The following DTD1 variants were observed in gnomAD, a reference collection of about 807,000 sequenced individuals.
DTD1 encodes the protein D-tyrosyl-tRNA deacylase 1 homolog.
A neutral mutation model predicts 25.6 loss-of-function variants in DTD1; 13 were observed. The observed-to-expected ratio is 0.51, with a 90% confidence interval of 0.33 to 0.81. The LOEUF (loss-of-function observed/expected upper bound fraction) is 0.81. Among genes scored for constraint, DTD1 ranks in the 30% least tolerant of loss-of-function variants. DTD1 has a pLI of 0.02. For synonymous variants in DTD1, 110 were observed against 103.6 expected (o/e 1.06, Z -0.37); for missense variants, 193 against 266.4 (o/e 0.72, Z 1.92).
intron 4 of DTD1, among the ~76,000 whole-genome samples, chr20:18,667,883 C>T (rs555171362): frequency 3.9e-5 from 6 of 152,270 alleles, no homozygotes; most frequent in South Asian, 4.1e-4. Context: ...AGAAGGCCCT[C>T]GTCAGATGCA....
chr20:18,744,188 G>T lies in DTD1; in HGVS notation c.566G>T (p.Arg189Leu). Residue 189 changes from arginine (R) to leucine (L), a missense_variant, in exon 5 of 6, where the codon CGA becomes CTA. Coordinates refer to ENST00000377452, the MANE Select transcript of DTD1 (RefSeq NM_080820.6). ...TCAAGCAAGGAAAGAAACACTCCCC[G>T]AAAAGAAGACCGCAGTGCCAGCAGC... ...SESSKERNTP[R>L]KEDRSASSGA... is the part of the protein sequence containing the mutation. 6.2e-7 allele frequency: 1 copy of T among 1,612,286 alleles called. No individual in the cohort carries two copies.
intron 1 of DTD1, among the ~76,000 whole-genome samples, chr20:18,593,036 A>G (rs770764226): frequency 3.3e-5 from 5 of 152,168 alleles, no homozygotes; most frequent in Non-Finnish European, 7.4e-5. Flanking sequence ...AGTAGGGCAT[A>G]CATTTGGTTA....
rs559339670 is a variant in DTD1, at chr20:18,644,285, A to G, written c.477+16052A>G. On this transcript the variant is annotated intron_variant, in intron 4 of 5. Coordinates refer to ENST00000377452, the MANE Select transcript of DTD1 (RefSeq NM_080820.6). ...CAACACCTCACTTTAGCACATGTTAATATGGGCTCTACAATCTTTAAGTTG... is the reference window on the plus strand; with the variant it reads ...CAACACCTCACTTTAGCACATGTTAGTATGGGCTCTACAATCTTTAAGTTG... Among the ~76,000 whole-genome samples the G allele has an allele frequency of 3.0e-4, 45 of 152,302 alleles. No individual in the cohort carries two copies. In the South Asian group the frequency reaches 7.1e-3, roughly 24 times the overall value.
intron 4 of DTD1, among the ~76,000 whole-genome samples, chr20:18,696,781 C>G (rs6045562): frequency 0.14 from 21,808 of 151,474 alleles, 1,691 homozygotes; most frequent in Admixed American, 0.2. Flanking sequence ...CTTGAACTCC[C>G]GACCTCAGGT....
intron 4 of DTD1, among the ~76,000 whole-genome samples, chr20:18,686,635 A>G (rs1204075896): frequency 1.4e-5 from 2 of 144,826 alleles, no homozygotes; most frequent in Non-Finnish European, 3.0e-5. Context: ...TTTTAAACAT[A>G]TATTTATTAG....
chr20:18,748,728 A>C (rs926966962), intron 5 of DTD1, among the ~76,000 whole-genome samples: 1 of 152,168 alleles, frequency 6.6e-6, no homozygotes, highest in African/African-American at 2.4e-5. Flanking sequence ...GGGAATTCTC[A>C]TGGACTCGTA....
chr20:18,667,917 G>A (rs1025386215), intron 4 of DTD1, among the ~76,000 whole-genome samples: 1 of 152,190 alleles, frequency 6.6e-6, no homozygotes, highest in Non-Finnish European at 1.5e-5. Context: ...CCTACCTCAG[G>A]TGGGAATGAC....
intron 4 of DTD1, among the ~76,000 whole-genome samples, chr20:18,684,495 T>C (rs912898527): frequency 6.6e-6 from 1 of 152,122 alleles, no homozygotes; most frequent in African/African-American, 2.4e-5. Context: ...TCGTGTTGGC[T>C]AGGCTGGTCT....
rs181788818 is a variant in DTD1, at chr20:18,714,960, T to A, written c.478-29140T>A. 2.0e-5 allele frequency among the ~76,000 whole-genome samples: 3 copies of A among 152,288 alleles called. No individual in the cohort carries two copies. In the East Asian group the frequency reaches 5.8e-4, roughly 29 times the overall value. Reference sequence around the variant, plus strand: ...ACGAATGTCTATTGTCCAGGGCTTTTAAGAAGTCTCTGGTTCCAGTGCACA... The same window carrying A: ...ACGAATGTCTATTGTCCAGGGCTTTAAAGAAGTCTCTGGTTCCAGTGCACA... On this transcript the variant is annotated intron_variant, in intron 4 of 5. Transcript: ENST00000377452.
chr20:18,658,923 T>G (rs1406813817), intron 4 of DTD1, among the ~76,000 whole-genome samples: 1 of 152,200 alleles, frequency 6.6e-6, no homozygotes, highest in East Asian at 1.9e-4. Context: ...GGGTGTGGCA[T>G]CTGACAGCTT....
intron 3 of DTD1, among the ~76,000 whole-genome samples, chr20:18,616,058 A>G (rs1265077885): frequency 6.6e-6 from 1 of 152,216 alleles, no homozygotes; most frequent in Non-Finnish European, 1.5e-5. Context: ...CTGTGATGCC[A>G]AAGGCATTAT....
chr20:18,705,293 A>G (rs2061121754), intron 4 of DTD1, among the ~76,000 whole-genome samples: 1 of 152,208 alleles, frequency 6.6e-6, no homozygotes, highest in Non-Finnish European at 1.5e-5. Flanking sequence ...TTGAAATTTT[A>G]TAGATTGGTT....
chr20:18,672,065 C>A (rs1327154974), intron 4 of DTD1, among the ~76,000 whole-genome samples: 1 of 152,114 alleles, frequency 6.6e-6, no homozygotes, highest in East Asian at 1.9e-4. Flanking sequence ...GAGACCCCAT[C>A]TCTACAGAAA....
At chr20:18,650,530 C>T (rs923746343) in intron 4 of DTD1, among the ~76,000 whole-genome samples, 1 of 152,232 alleles carries the variant, frequency 6.6e-6, no homozygotes, top group Admixed American at 6.5e-5. Flanking sequence ...ACTGAACCCC[C>T]AGTGCCCCAT....
At chr20:18,724,926 A>G (rs1180391564) in intron 4 of DTD1, among the ~76,000 whole-genome samples, 1 of 152,200 alleles carries the variant, frequency 6.6e-6, no homozygotes, top group Non-Finnish European at 1.5e-5. Flanking sequence ...TTGTTCTTTC[A>G]GTGGTGGAAT....
intron 4 of DTD1, among the ~76,000 whole-genome samples, chr20:18,714,820 A>G (rs1261315956): frequency 6.6e-6 from 1 of 152,236 alleles, no homozygotes; most frequent in Admixed American, 6.5e-5. Flanking sequence ...TATTTCAACT[A>G]GAAGATTTCT....
chr20:18,733,135 A>G (rs1462900672), intron 4 of DTD1, among the ~76,000 whole-genome samples: 1 of 152,166 alleles, frequency 6.6e-6, no homozygotes, highest in Non-Finnish European at 1.5e-5. Context: ...TAACCATCCC[A>G]GGTGTCCTCA....
chr20:18,664,476 G>A (rs2060923852), intron 4 of DTD1, among the ~76,000 whole-genome samples: 2 of 152,128 alleles, frequency 1.3e-5, no homozygotes, highest in Non-Finnish European at 1.5e-5. Flanking sequence ...TCAGCTCCAT[G>A]CTGTTTCTTG....
chr20:18,597,435 G>A (rs1028548503), intron 3 of DTD1, among the ~76,000 whole-genome samples: 18 of 152,026 alleles, frequency 1.2e-4, no homozygotes, highest in African/African-American at 4.1e-4. Flanking sequence ...TTAGTTAAGA[G>A]TTGTGCAACC....
Sources: gnomAD v4.1 joint callset for allele counts (sites outside exome capture counted in the v4.1 genomes callset) on GRCh38, gnomAD v4.1.1 for gene constraint, MANE v1.5 for transcripts, NCBI Gene and HGNC (gene_info 2026-07-23, HGNC 2026-07-21) for gene names.